The following WSB1 variants were observed in gnomAD, a reference collection of about 807,000 sequenced individuals.
WSB1 encodes WD repeat and SOCS box containing 1.
In WSB1, 23 loss-of-function variants were observed where a neutral mutation model predicts 50.2. That is an observed-to-expected ratio of 0.46 (90% CI 0.33 to 0.65). WSB1 has a LOEUF of 0.65. Ranked by LOEUF, WSB1 falls within the 30% of genes least tolerant of loss-of-function variation. The pLI, the probability that WSB1 is intolerant of heterozygous loss-of-function variation, is 0.02. For missense variants in WSB1, 492 were observed against 522.3 expected, an observed-to-expected ratio of 0.94 and a Z score of 0.56; for synonymous variants, 179 against 172.0, an observed-to-expected ratio of 1.04 and a Z score of -0.32.
At chr17:27,307,710 GT>G (rs1247469080) in intron 5 of WSB1, 1 of 1,532,934 alleles carries the variant, frequency 6.5e-7, no homozygotes. Flanking sequence ...TAGGCTGTGT[GT>G]TTTCCATATG....
chr17:27,302,679 C>T (rs1272283200), intron 2 of WSB1: 1 of 152,330 alleles, frequency 6.6e-6, no homozygotes, highest in Admixed American at 6.5e-5. Context: ...CCCTCCTCAG[C>T]CTCCCTAAGT....
Position 27,310,049 on chromosome 17 carries a change from A to G in WSB1, c.885-12A>G, listed in dbSNP as rs1458577385. 4 of 1,612,306 alleles carry G rather than the reference A, an allele frequency of 2.5e-6. No individual in the cohort carries two copies. Among genetic ancestry groups the G allele is most frequent in the Middle Eastern group, 1.6e-4 (1 of 6,080 alleles). On this transcript the variant is annotated splice_polypyrimidine_tract_variant and intron_variant, in intron 6 of 8. Transcript: ENST00000262394. ...TGACTGATATCCACTGAAAACATAT[A>G]TTTGACCTCAGGCACCTGTTTCCCC...
At chr17:27,307,458 G>A (rs970418690) in intron 5 of WSB1, 1 of 473,396 alleles carries the variant, frequency 2.1e-6, no homozygotes, top group Non-Finnish European at 3.8e-6. Context: ...AGCTCTGTTA[G>A]TATAGTTAAA....
At position 27,303,663 on chromosome 17, in the gene WSB1, T is replaced by C; in HGVS notation, c.478+28T>C. 4 of 1,605,854 alleles carry C rather than the reference T, an allele frequency of 2.5e-6. No individual in the cohort carries two copies. The African/African-American group carries it at 4.0e-5, about 16-fold the overall frequency. On this transcript the variant is annotated intron_variant, in intron 3 of 8. Transcript: ENST00000262394. ...ATGGATTCATAGTTTTTAAAGCAAATGTATTATTTTATGATGCAGGGCACT... is the reference window on the plus strand; with the variant it reads ...ATGGATTCATAGTTTTTAAAGCAAACGTATTATTTTATGATGCAGGGCACT...
intron 1 of WSB1, among the ~76,000 whole-genome samples, chr17:27,299,751 A>G (rs921402055): frequency 1.3e-5 from 2 of 152,124 alleles, no homozygotes; most frequent in Non-Finnish European, 2.9e-5. Flanking sequence ...AAGGATAGAG[A>G]TCTCTTAGCC....
Position 27,310,127 on chromosome 17 carries a change from A to T in WSB1, c.951A>T (p.Val317=). ...CAAATGACCGGTGGGTACGATCTGT[A>T]TCTTTTAGCCATGATGGACTGCATG... is the stretch of plus-strand genomic sequence containing the variant. ...GGANDRWVRS[V]SFSHDGLHVA... is the part of the protein sequence containing the mutation. The change falls in exon 7 of 9, where the codon GTA becomes GTT. Residue 317 remains valine (V), a synonymous_variant. Transcript: ENST00000262394. The T allele has an allele frequency of 1.2e-6, 2 of 1,614,116 alleles. No homozygotes were observed. The highest frequency in any genetic ancestry group is 1.7e-6 in the Non-Finnish European group (2 of 1,179,964).
rs761326966 is a variant in WSB1 at position 27,301,884 on chromosome 17, G to T, written c.137G>T (p.Gly46Val). The T allele has an allele frequency of 4.3e-6, 7 of 1,613,810 alleles. No homozygotes were observed. In the South Asian group the frequency reaches 7.7e-5, roughly 18 times the overall value. Residue 46 changes from glycine (G) to valine (V), a missense_variant, in exon 2 of 9, where the codon GGT (glycine) becomes GTT (valine). Gly to Val is a moderately radical substitution (Grantham distance 109, BLOSUM62 -3). Transcript: ENST00000262394. ...ENWTVAFAPD[G>V]SYFAWSQGHR... is the part of the protein sequence containing the mutation. ...TGGACTGTTGCTTTTGCTCCAGATG[G>T]TTCATACTTTGCTTGGTCACAAGGA...
At chr17:27,298,002 T>A (rs781018035) in intron 1 of WSB1, among the ~76,000 whole-genome samples, 78 of 151,806 alleles carry the variant, frequency 5.1e-4, no homozygotes, top group Middle Eastern at 6.8e-3. Flanking sequence ...TGCATACCTG[T>A]AATCTAAGCT....
intron 1 of WSB1, among the ~76,000 whole-genome samples, chr17:27,300,911 C>T (rs535289725): frequency 4.1e-4 from 62 of 151,636 alleles, no homozygotes; most frequent in African/African-American, 1.5e-3. Flanking sequence ...GAGATGGAGT[C>T]TCACTCTGTC....
At position 27,312,410 on chromosome 17, in the gene WSB1, A is replaced by G. The variant is rs747145899; in HGVS notation, c.*41A>G. The G allele has an allele frequency of 1.4e-5, 22 of 1,594,154 alleles. No homozygotes were observed. The highest frequency in any genetic ancestry group is 4.5e-5 in the East Asian group (2 of 44,760). ...CTAGTAGTAGGGACTGACAGAATAC[A>G]CTTAACACAAACCTCAAGCTTTACT... On this transcript the variant is annotated 3_prime_UTR_variant, in exon 9 of 9. Coordinates refer to ENST00000262394, the MANE Select transcript of WSB1 (RefSeq NM_015626.10).
At position 27,312,098 on chromosome 17, in the gene WSB1, G is replaced by A. The variant is rs192905555; in HGVS notation, c.1107-112G>A. The A allele has an allele frequency of 8.3e-5, 117 of 1,416,594 alleles. 1 individual carries two copies. The African/African-American group carries it at 1.4e-3, about 17-fold the overall frequency. 87.8% of individuals were successfully genotyped at this position (1,416,594 alleles called of 1,614,324 possible). A position where few individuals can be genotyped will look rare whatever the true frequency, so the allele number is the denominator to read the frequency against. On this transcript the variant is annotated intron_variant, in intron 8 of 8. Coordinates refer to ENST00000262394, the MANE Select transcript of WSB1 (RefSeq NM_015626.10). The stretch of plus-strand genomic sequence containing the variant: ...TAGTTCTTCCTGGTTGGGTTTTAAT[G>A]TGAAGTTTGTGACTCCACTACTCAC...
rs1220348103 is a variant in WSB1, at chr17:27,306,638, A to G, written c.611-144A>G. The G allele has an allele frequency of 7.2e-6, 5 of 696,068 alleles. No homozygotes were observed. The African/African-American group carries it at 9.0e-5, about 13-fold the overall frequency. 43.1% of individuals were successfully genotyped at this position (696,068 alleles called of 1,614,324 possible). A position where few individuals can be genotyped will look rare whatever the true frequency, so the allele number is the denominator to read the frequency against. ...TTCCAGTAAAATTTAAAACCTAAGC[A>G]GCTGGTGTATATCGGTAACCCTTGT... On this transcript the variant is annotated intron_variant, in intron 4 of 8. Coordinates refer to ENST00000262394, the MANE Select transcript of WSB1 (RefSeq NM_015626.10).
rs570508472 is a variant in WSB1 at position 27,305,011 on chromosome 17, G to A, written c.610+100G>A. ...GGGCATTTGACTTTAAAAATGACAT[G>A]TGATCAAAGTTCCTTTTCTCTGCCT... On this transcript the variant is annotated intron_variant, in intron 4 of 8. Transcript: ENST00000262394. 2.6e-5 allele frequency: 38 copies of A among 1,465,010 alleles called. No individual in the cohort carries two copies. The East Asian group carries it at 8.3e-4, about 32-fold the overall frequency. The allele number at this position is 1,465,010 out of a possible 1,614,324, so 90.8% of individuals were successfully genotyped here. A position where few individuals can be genotyped will look rare whatever the true frequency, so the allele number is the denominator to read the frequency against.
chr17:27,314,591 C>G lies in WSB1; in HGVS notation c.*2222C>G, dbSNP rs1227776553. On this transcript the variant is annotated 3_prime_UTR_variant, in exon 9 of 9. Coordinates refer to ENST00000262394, the MANE Select transcript of WSB1 (RefSeq NM_015626.10). ...ACTCTAAATAAATAAGATACCATTA[C>G]TTTTCATATCATTGCATTATTTTTG... is the stretch of plus-strand genomic sequence containing the variant. 1 of 152,134 alleles carries G rather than the reference C, an allele frequency of 6.6e-6. No homozygotes were observed. The highest frequency in any genetic ancestry group is 1.5e-5 in the Non-Finnish European group (1 of 68,016). The allele number at this position is 152,134 out of a possible 1,614,324, so 9.4% of individuals were successfully genotyped here. A position where few individuals can be genotyped will look rare whatever the true frequency, so the allele number is the denominator to read the frequency against.
chr17:27,307,217 T>A (rs927439692), intron 5 of WSB1: 1 of 220,930 alleles, frequency 4.5e-6, no homozygotes, highest in Non-Finnish European at 8.9e-6. Context: ...TCTGTTGTTC[T>A]ATTTTTTTGG....
intron 3 of WSB1, among the ~76,000 whole-genome samples, chr17:27,304,509 G>A (rs2017361636): frequency 1.6e-5 from 2 of 124,744 alleles, no homozygotes; most frequent in South Asian, 5.4e-4. Flanking sequence ...GACCAGCCTG[G>A]GCAACATAGT....
At chr17:27,297,730 ACCAGTGTG>A (rs2017039803) in intron 1 of WSB1, among the ~76,000 whole-genome samples, 1 of 152,194 alleles carries the variant, frequency 6.6e-6, no homozygotes, top group African/African-American at 2.4e-5. Flanking sequence ...TGTTGGGATT[ACCAGTGTG>A]CCTGTCCTAT....
chr17:27,295,588 G>GA (rs548873422), intron 1 of WSB1, among the ~76,000 whole-genome samples: 133 of 149,298 alleles, frequency 8.9e-4, no homozygotes, highest in East Asian at 4.1e-3. Context: ...AGTTCACACA[G>GA]AAAAAAGAAA....
At chr17:27,299,503 C>G (rs76146405) in intron 1 of WSB1, among the ~76,000 whole-genome samples, 4 of 152,164 alleles carry the variant, frequency 2.6e-5, no homozygotes, top group Admixed American at 2.6e-4. Context: ...AGAGCAAGAC[C>G]TTGACTCAAA....
Sources: allele counts gnomAD v4.1 joint callset (sites outside exome capture counted in the v4.1 genomes callset), GRCh38; gene constraint gnomAD v4.1.1; transcripts MANE v1.5; gene names NCBI Gene and HGNC (gene_info 2026-07-23, HGNC 2026-07-21).